The following CDC40 variants were observed in gnomAD, a reference collection of about 807,000 sequenced individuals.
CDC40 encodes pre-mRNA-processing factor 17.
In CDC40, 27 loss-of-function variants were observed where a neutral mutation model predicts 80.6. The ratio of observed to expected loss-of-function variants is 0.33; its 90% CI spans 0.25 to 0.46. The LOEUF (loss-of-function observed/expected upper bound fraction) is 0.46. Ranked by LOEUF, CDC40 falls within the 20% of genes least tolerant of loss-of-function variation. CDC40 has a pLI of 1.00. For missense variants in CDC40, 486 were observed against 694.1 expected, an observed-to-expected ratio of 0.70 and a Z score of 3.37; for synonymous variants, 221 against 232.6, an observed-to-expected ratio of 0.95 and a Z score of 0.45.
In CDC40 at chr6:110,215,317, T is replaced by G. The variant is rs1295522879; in HGVS notation, c.974T>G (p.Leu325Arg). ...LWEVYGERRCLRTFIGHSKAV... is the reference protein window; with the variant it reads ...LWEVYGERRCRRTFIGHSKAV... ...GAGGTTTATGGAGAACGGCGCTGTC[T>G]GAGAACATTTATTGGTAATGCTTCT... The change falls in exon 9 of 15, where the codon CTG becomes CGG. Residue 325 changes from leucine (L) to arginine (R), a missense_variant. Coordinates refer to ENST00000307731, the MANE Select transcript of CDC40 (RefSeq NM_015891.3). 2 of 1,613,166 alleles carry G rather than the reference T, an allele frequency of 1.2e-6. No individual in the cohort carries two copies. The highest frequency in any genetic ancestry group is 1.3e-5 in the African/African-American group (1 of 74,908).
intron 2 of CDC40, among the ~76,000 whole-genome samples, chr6:110,196,109 C>T (rs1333941136): frequency 1.3e-5 from 2 of 152,120 alleles, no homozygotes; most frequent in Admixed American, 6.5e-5. Flanking sequence ...GAAGTAAGTA[C>T]CTGTGTCCTT....
At chr6:110,206,815 G>A (rs896067456) in intron 3 of CDC40, among the ~76,000 whole-genome samples, 1 of 152,088 alleles carries the variant, frequency 6.6e-6, no homozygotes. Flanking sequence ...AAGGAAAATG[G>A]TTTCTAGATT....
intron 7 of CDC40, 28 bp from the exon 8 acceptor site, chr6:110,213,058 G>T (rs758836431): frequency 2.8e-6 from 4 of 1,431,466 alleles, no homozygotes; most frequent in Non-Finnish European, 3.9e-6. Context: ...GAATGCTTCT[G>T]GTTGATAACT....
intron 1 of CDC40, among the ~76,000 whole-genome samples, chr6:110,182,124 G>A (rs749950705): frequency 1.3e-5 from 2 of 152,098 alleles, no homozygotes; most frequent in Non-Finnish European, 2.9e-5. Context: ...ACCCACCTGG[G>A]GACCTTGGAT....
In CDC40 at chr6:110,231,762, G is replaced by A. The variant is rs897844342; in HGVS notation, c.*1631G>A. On this transcript the variant is annotated 3_prime_UTR_variant, in exon 15 of 15. Transcript: ENST00000307731. ...AGCAGTGTATGCTCCTTGCCCTTAC[G>A]GAGTGTCTGTTTTTAGAAATTTAGA... The A allele has an allele frequency of 6.7e-6, 1 of 149,976 alleles. No homozygotes were observed. The highest frequency in any genetic ancestry group is 1.5e-5 in the Non-Finnish European group (1 of 67,628). The allele number at this position is 149,976 out of a possible 1,614,324, so 9.3% of individuals were successfully genotyped here.
At chr6:110,204,284 T>TGTC (rs1777533493) in intron 3 of CDC40, among the ~76,000 whole-genome samples, 1 of 152,160 alleles carries the variant, frequency 6.6e-6, no homozygotes, top group Non-Finnish European at 1.5e-5. Flanking sequence ...AGTGCTGGGA[T>TGTC]TACAGGCATG....
intron 14 of CDC40, 135 bp downstream of exon 14, chr6:110,229,111 A>C: frequency 2.4e-6 from 2 of 830,242 alleles, no homozygotes; most frequent in South Asian, 3.8e-5. Context: ...AAAATTGTCA[A>C]AATGCTGGAT....
chr6:110,214,819 C>A lies in CDC40; in HGVS notation c.943-467C>A, dbSNP rs975749063. On this transcript the variant is annotated intron_variant, in intron 8 of 14. Coordinates refer to ENST00000307731, the MANE Select transcript of CDC40 (RefSeq NM_015891.3). ...CTAGATCATCATTTTCTTACAGCTTCTGTAATACTTGTTATTCAGAAAAGT... is the reference window on the plus strand; with the variant it reads ...CTAGATCATCATTTTCTTACAGCTTATGTAATACTTGTTATTCAGAAAAGT... Among the ~76,000 whole-genome samples, 4 of 152,148 alleles carry A rather than the reference C, an allele frequency of 2.6e-5. No individual in the cohort carries two copies. The East Asian group carries it at 7.7e-4, about 29-fold the overall frequency.
intron 1 of CDC40, among the ~76,000 whole-genome samples, chr6:110,181,805 T>G (rs1198414732): frequency 6.6e-6 from 1 of 152,206 alleles, no homozygotes; most frequent in African/African-American, 2.4e-5. Context: ...GCCTTCCAGT[T>G]GTCAAGTTCA....
At chr6:110,188,444 A>C (rs1256926826) in intron 1 of CDC40, among the ~76,000 whole-genome samples, 1 of 152,202 alleles carries the variant, frequency 6.6e-6, no homozygotes. Flanking sequence ...TTTCATCAGT[A>C]AAGATTCTAG....
At position 110,230,175 on chromosome 6, in the gene CDC40, G is replaced by A. The variant is rs1271176497; in HGVS notation, c.*44G>A. The A allele has an allele frequency of 2.5e-6, 3 of 1,196,822 alleles. No homozygotes were observed. The highest frequency in any genetic ancestry group is 4.8e-5 in the East Asian group (2 of 41,324). The allele number at this position is 1,196,822 out of a possible 1,614,324, so 74.1% of individuals were successfully genotyped here. A position where few individuals can be genotyped will look rare whatever the true frequency, so the allele number is the denominator to read the frequency against. On this transcript the variant is annotated 3_prime_UTR_variant, in exon 15 of 15. Coordinates refer to ENST00000307731, the MANE Select transcript of CDC40 (RefSeq NM_015891.3). ...TAGCTGGGATCATTTTTGATCCATT[G>A]TCATATTTATATTTAATTATTAAAT...
intron 9 of CDC40, among the ~76,000 whole-genome samples, chr6:110,217,067 A>G (rs1777710013): frequency 2.0e-5 from 3 of 152,192 alleles, no homozygotes; most frequent in Admixed American, 2.0e-4. Context: ...AGATCCAGCC[A>G]CTGCACTTCA....
At chr6:110,188,202 G>A in intron 1 of CDC40, among the ~76,000 whole-genome samples, 1 of 152,160 alleles carries the variant, frequency 6.6e-6, no homozygotes, top group East Asian at 1.9e-4. Context: ...TAATTGGAAA[G>A]ATCTCATATC....
At chr6:110,182,410 G>A (rs997220767) in intron 1 of CDC40, among the ~76,000 whole-genome samples, 3 of 152,154 alleles carry the variant, frequency 2.0e-5, no homozygotes, top group African/African-American at 7.2e-5. Context: ...CCAATTCAGT[G>A]TGTCGAAAAA....
intron 13 of CDC40, among the ~76,000 whole-genome samples, chr6:110,227,181 G>C (rs983417279): frequency 6.6e-6 from 1 of 152,090 alleles, no homozygotes; most frequent in Non-Finnish European, 1.5e-5. Flanking sequence ...TGTCTTTTAC[G>C]TACAAGATAA....
chr6:110,188,899 T>C (rs933956767), intron 1 of CDC40, among the ~76,000 whole-genome samples: 7 of 152,252 alleles, frequency 4.6e-5, no homozygotes, highest in Admixed American at 3.9e-4. Context: ...CTATTAAGTG[T>C]ATACTGACCC....
At chr6:110,219,634 A>G in intron 11 of CDC40, 102 bp from the exon 12 acceptor site, 2 of 1,372,254 alleles carry the variant, frequency 1.5e-6, no homozygotes, top group Non-Finnish European at 2.0e-6. Flanking sequence ...ATTTATAAAA[A>G]TATCGTGTTG....
intron 1 of CDC40, among the ~76,000 whole-genome samples, chr6:110,183,712 T>G (rs189720888): frequency 6.6e-6 from 1 of 152,390 alleles, no homozygotes; most frequent in Admixed American, 6.5e-5. Flanking sequence ...TGTAGTTGAC[T>G]AATTGTATTA....
chr6:110,217,019 A>G (rs1390599784), intron 9 of CDC40, among the ~76,000 whole-genome samples: 1 of 152,180 alleles, frequency 6.6e-6, no homozygotes, highest in Non-Finnish European at 1.5e-5. Flanking sequence ...AGGTGGGTGG[A>G]TCGCTTGAGC....
Sources: allele counts gnomAD v4.1 joint callset (sites outside exome capture counted in the v4.1 genomes callset), GRCh38; gene constraint gnomAD v4.1.1; transcripts MANE v1.5; gene names NCBI Gene and HGNC (gene_info 2026-07-23, HGNC 2026-07-21).